PSAT1: variants seen among roughly 807,000 people sequenced by gnomAD.
The protein encoded by PSAT1 is phosphoserine aminotransferase 1, also known as phosphoserine aminotransferase.
A neutral mutation model predicts 40.3 loss-of-function variants in PSAT1; 41 were observed. That is an observed-to-expected ratio of 1.02 (90% CI 0.79 to 1.32). PSAT1 has a LOEUF of 1.32. PSAT1 is among the 40% of genes most tolerant of loss of function. The pLI is 0.00. For missense variants in PSAT1, 406 were observed against 455.8 expected, an observed-to-expected ratio of 0.89 and a Z score of 0.99; for synonymous variants, 147 against 170.5, an observed-to-expected ratio of 0.86 and a Z score of 1.07.
At chr9:78,321,281 G>A (rs989385710) in intron 7 of PSAT1, among the ~76,000 whole-genome samples, 1 of 152,146 alleles carries the variant, frequency 6.6e-6, no homozygotes, top group Non-Finnish European at 1.5e-5. Context: ...CAGGCACTTG[G>A]TGTTCTGTGG....
In PSAT1 at chr9:78,317,669, A is replaced by C. The variant is rs747801091; in HGVS notation, c.741-7A>C. On this transcript the variant is annotated splice_polypyrimidine_tract_variant and splice_region_variant and intron_variant, in intron 6 of 8. Coordinates refer to ENST00000376588, the MANE Select transcript of PSAT1 (RefSeq NM_058179.4). ...CTAAACGGATTTTTTAAAAATCTTC[A>C]TTTTAGCATCTACGTCATGGGCTTG... 6 of 1,613,106 alleles carry C rather than the reference A, an allele frequency of 3.7e-6. No individual in the cohort carries two copies. Among genetic ancestry groups the C allele is most frequent in the Admixed American group, 3.3e-5 (2 of 59,712 alleles).
chr9:78,304,041 G>A (rs181003936), intron 3 of PSAT1, among the ~76,000 whole-genome samples: 28 of 152,082 alleles, frequency 1.8e-4, no homozygotes, highest in Admixed American at 4.6e-4. Context: ...AAACATTATC[G>A]AAACCCCCTG....
At chr9:78,319,344 GC>G (rs1453831166) in intron 7 of PSAT1, among the ~76,000 whole-genome samples, 20 of 152,312 alleles carry the variant, frequency 1.3e-4, no homozygotes, top group African/African-American at 4.6e-4. Context: ...ACATGCAGTG[GC>G]CCTCCTCCAG....
In PSAT1 at chr9:78,302,033, A is replaced by T; in HGVS notation, c.191+10A>T. On this transcript the variant is annotated intron_variant, in intron 3 of 8. Coordinates refer to ENST00000376588, the MANE Select transcript of PSAT1 (RefSeq NM_058179.4). ...TTGTGCGGGAATTGCTGTAAGTTTT[A>T]AAAAGACCAAATCATGTTACTTTTG... The T allele has an allele frequency of 1.9e-6, 3 of 1,585,978 alleles. No homozygotes were observed. The South Asian group carries it at 3.3e-5, about 18-fold the overall frequency.
chr9:78,306,174 G>A, intron 4 of PSAT1, 140 bp from the exon 5 acceptor site: 1 of 890,090 alleles, frequency 1.1e-6, no homozygotes, highest in East Asian at 2.4e-5. Context: ...CTGGGAGGTT[G>A]CTTTCACTCG....
chr9:78,304,358 CA>C (rs1276281352), intron 3 of PSAT1, among the ~76,000 whole-genome samples: 4 of 152,176 alleles, frequency 2.6e-5, no homozygotes, highest in Admixed American at 6.5e-5. Flanking sequence ...GTAAAGGTCT[CA>C]GTACCAAATT....
rs1335344812 is a variant in PSAT1 at position 78,297,134 on chromosome 9, C to T, written c.-77C>T. 9 of 1,453,736 alleles carry T rather than the reference C, an allele frequency of 6.2e-6. No homozygotes were observed. The highest frequency in any genetic ancestry group is 8.4e-6 in the Non-Finnish European group (9 of 1,066,258). 90.1% of individuals were successfully genotyped at this position (1,453,736 alleles called of 1,614,324 possible). On this transcript the variant is annotated 5_prime_UTR_variant, in exon 1 of 9. Coordinates refer to ENST00000376588, the MANE Select transcript of PSAT1 (RefSeq NM_058179.4). ...GGGTTCGGGGCCGGCTGCAGACTCT[C>T]ACCGCAGCGGCCAGGAACGCCAGCC...
chr9:78,301,372 C>G (rs1280020061), intron 2 of PSAT1, among the ~76,000 whole-genome samples: 1 of 152,094 alleles, frequency 6.6e-6, no homozygotes, highest in Non-Finnish European at 1.5e-5. Flanking sequence ...GTACATAAGC[C>G]TTTTATGAAG....
Position 78,297,149 on chromosome 9 carries a change from G to A in PSAT1, c.-62G>A, listed in dbSNP as rs921139080. The stretch of plus-strand genomic sequence containing the variant: ...TGCAGACTCTCACCGCAGCGGCCAG[G>A]AACGCCAGCCGTTCACGCGTTCGGT... On this transcript the variant is annotated 5_prime_UTR_variant, in exon 1 of 9. Coordinates refer to ENST00000376588, the MANE Select transcript of PSAT1 (RefSeq NM_058179.4). The A allele has an allele frequency of 3.6e-5, 55 of 1,524,210 alleles. No individual in the cohort carries two copies. The highest frequency in any genetic ancestry group is 1.5e-4 in the Admixed American group (8 of 52,800). The allele number at this position is 1,524,210 out of a possible 1,614,324, so 94.4% of individuals were successfully genotyped here.
chr9:78,316,422 T>A (rs1473444017), intron 6 of PSAT1, among the ~76,000 whole-genome samples: 1 of 152,168 alleles, frequency 6.6e-6, no homozygotes, highest in East Asian at 1.9e-4. Context: ...TCTTCAGATG[T>A]TTCCTAGAAA....
At chr9:78,299,758 G>C (rs1223883815) in intron 1 of PSAT1, among the ~76,000 whole-genome samples, 1 of 151,916 alleles carries the variant, frequency 6.6e-6, no homozygotes, top group African/African-American at 2.4e-5. Context: ...TGATCTGCCC[G>C]CCTTGGCCTC....
At chr9:78,322,713 G>A (rs1157539143) in intron 7 of PSAT1, among the ~76,000 whole-genome samples, 2 of 152,214 alleles carry the variant, frequency 1.3e-5, no homozygotes, top group Non-Finnish European at 2.9e-5. Context: ...AAGTGGGGGT[G>A]TGGTGGTTGC....
At chr9:78,313,297 G>A (rs576166288) in intron 6 of PSAT1, among the ~76,000 whole-genome samples, 34 of 152,172 alleles carry the variant, frequency 2.2e-4, no homozygotes, top group African/African-American at 5.8e-4. Context: ...CCTGGGAGGC[G>A]GAAGTTGCAG....
In PSAT1 at chr9:78,297,253, G is replaced by A. The variant is rs774962204; in HGVS notation, c.43G>A (p.Ala15Thr). Residue 15 changes from alanine to threonine, a missense_variant, in exon 1 of 9, where the codon GCC becomes ACC. Ala to Thr is a moderately conservative substitution (Grantham distance 58). Transcript: ENST00000376588. ...RQVVNFGPGP[A>T]KLPHSVLLEI... is the part of the protein sequence containing the mutation. ...GGTGGTCAACTTTGGGCCTGGTCCC[G>A]CCAAGCTGCCGCACTCAGTAAGTCC... 4 of 1,600,756 alleles carry A rather than the reference G, an allele frequency of 2.5e-6. No homozygotes were observed. Among genetic ancestry groups the A allele is most frequent in the Non-Finnish European group, 3.4e-6 (4 of 1,178,164 alleles).
chr9:78,308,828 G>C (rs1417440764), intron 6 of PSAT1, among the ~76,000 whole-genome samples: 1 of 152,124 alleles, frequency 6.6e-6, no homozygotes, highest in East Asian at 1.9e-4. Flanking sequence ...GGTGGCACAT[G>C]CCTATAATCC....
chr9:78,325,996 A>C (rs971972167), intron 7 of PSAT1, among the ~76,000 whole-genome samples: 5 of 152,162 alleles, frequency 3.3e-5, no homozygotes, highest in Non-Finnish European at 5.9e-5. Flanking sequence ...TGGGAGCCTG[A>C]GGCAGTGGAA....
chr9:78,321,798 C>T (rs538359764), intron 7 of PSAT1, among the ~76,000 whole-genome samples: 52 of 152,266 alleles, frequency 3.4e-4, no homozygotes, highest in African/African-American at 1.1e-3. Context: ...CGTGTGACCT[C>T]GTGCAAATGA....
chr9:78,311,563 G>A (rs1180418266), intron 6 of PSAT1, among the ~76,000 whole-genome samples: 2 of 152,178 alleles, frequency 1.3e-5, no homozygotes, highest in Admixed American at 6.5e-5. Flanking sequence ...GCCGGGTGCG[G>A]TGGCTCACAC....
chr9:78,308,296 A>G (rs912140823), intron 5 of PSAT1, 118 bp from the exon 6 acceptor site: 1 of 1,189,438 alleles, frequency 8.4e-7, no homozygotes, highest in East Asian at 2.4e-5. Context: ...ACTGCTCCCT[A>G]CACAGGATAG....
Sources: allele counts gnomAD v4.1 joint callset (sites outside exome capture counted in the v4.1 genomes callset), GRCh38; gene constraint gnomAD v4.1.1; transcripts MANE v1.5; gene names NCBI Gene and HGNC (gene_info 2026-07-23, HGNC 2026-07-21).